Variants in METTL15 observed in about 807,000 individuals in gnomAD.
METTL15 encodes methyltransferase 15, mitochondrial 12S rRNA N4-cytidine.
In METTL15, 34 loss-of-function variants were observed where a neutral mutation model predicts 38.3. That is an observed-to-expected ratio of 0.89 (90% CI 0.68 to 1.18). The LOEUF is 1.18. METTL15 is among the 50% of genes most tolerant of loss of function. METTL15 has a pLI of 0.00. For synonymous variants in METTL15, 162 were observed against 170.9 expected, an observed-to-expected ratio of 0.95 and a Z score of 0.41; for missense variants, 438 against 498.4, an observed-to-expected ratio of 0.88 and a Z score of 1.15.
At chr11:28,308,196 C>G (rs1054460794) in intron 6 of METTL15, among the ~76,000 whole-genome samples, 1 of 151,960 alleles carries the variant, frequency 6.6e-6, no homozygotes, top group Non-Finnish European at 1.5e-5. Context: ...CTCTGATTAC[C>G]TTTAAGATTT....
intron 4 of METTL15, among the ~76,000 whole-genome samples, chr11:28,233,938 ATGC>A (rs1357708615): frequency 6.6e-6 from 1 of 150,738 alleles, no homozygotes; most frequent in Non-Finnish European, 1.5e-5. Context: ...ATATCTCCTA[ATGC>A]TATCCCTCCC....
At chr11:28,210,981 G>T (rs1335155843) in intron 3 of METTL15, 81 bp from the exon 4 acceptor site, 14 of 1,382,758 alleles carry the variant, frequency 1.0e-5, no homozygotes, top group Admixed American at 2.3e-5. Context: ...AAATCATTGT[G>T]TGCTTCTAGA....
downstream of METTL15, among the ~76,000 whole-genome samples, chr11:28,334,621 A>G (rs901557052): frequency 1.3e-5 from 2 of 152,238 alleles, no homozygotes; most frequent in East Asian, 1.9e-4. Context: ...TCAACCCTAT[A>G]TTCTAAAGAG....
At chr11:28,502,163 T>A (rs910040169) in intron 6 of METTL15, among the ~76,000 whole-genome samples, 1 of 151,644 alleles carries the variant, frequency 6.6e-6, no homozygotes, top group Non-Finnish European at 1.5e-5. Context: ...GACCCCCTTA[T>A]ATCCAGCTAT....
chr11:28,213,090 G>T (rs1359756373), intron 4 of METTL15, among the ~76,000 whole-genome samples: 1 of 152,164 alleles, frequency 6.6e-6, no homozygotes, highest in Non-Finnish European at 1.5e-5. Context: ...CCTGCGACAT[G>T]TATTCCAATC....
At chr11:28,244,755 C>A (rs1438220911) in intron 4 of METTL15, among the ~76,000 whole-genome samples, 1 of 152,150 alleles carries the variant, frequency 6.6e-6, no homozygotes, top group Non-Finnish European at 1.5e-5. Context: ...AGTTGAGAAG[C>A]CAAACAGGGA....
At chr11:28,397,687 C>T (rs1371077642) in intron 5 of METTL15, among the ~76,000 whole-genome samples, 1 of 152,008 alleles carries the variant, frequency 6.6e-6, no homozygotes, top group African/African-American at 2.4e-5. Context: ...GTGGCGATTC[C>T]TCAGGGATCT....
At chr11:28,234,842 G>C (rs1380067536) in intron 4 of METTL15, among the ~76,000 whole-genome samples, 10 of 146,922 alleles carry the variant, frequency 6.8e-5, no homozygotes, top group Non-Finnish European at 1.0e-4. Flanking sequence ...GGCTTTTGTT[G>C]CCATTGCTTT....
chr11:28,129,183 C>A (rs1216632928), intron 3 of METTL15, among the ~76,000 whole-genome samples: 1 of 152,116 alleles, frequency 6.6e-6, no homozygotes, highest in Non-Finnish European at 1.5e-5. Context: ...CTTTTAGATG[C>A]TATTCATTTA....
At chr11:28,431,162 G>A (rs1264584871) in intron 6 of METTL15, among the ~76,000 whole-genome samples, 1 of 90,240 alleles carries the variant, frequency 1.1e-5, no homozygotes, top group African/African-American at 3.3e-5. Flanking sequence ...AGGTGGGGGG[G>A]TCAGCCCCCT....
intron 4 of METTL15, among the ~76,000 whole-genome samples, chr11:28,213,420 C>T (rs1354376616): frequency 6.6e-6 from 1 of 152,006 alleles, no homozygotes; most frequent in Middle Eastern, 3.4e-3. Context: ...ACCATAGACA[C>T]AAGATAAGTT....
intron 5 of METTL15, among the ~76,000 whole-genome samples, chr11:28,384,470 G>A (rs1404320135): frequency 2.0e-5 from 3 of 151,848 alleles, no homozygotes; most frequent in Admixed American, 6.6e-5. Flanking sequence ...CATCATACCC[G>A]GCTAATTTTT....
At chr11:28,196,572 A>G (rs1851916804) in intron 3 of METTL15, among the ~76,000 whole-genome samples, 1 of 151,938 alleles carries the variant, frequency 6.6e-6, no homozygotes, top group Non-Finnish European at 1.5e-5. Context: ...TACTGAATTC[A>G]TTTATCAAAT....
intron 4 of METTL15, among the ~76,000 whole-genome samples, chr11:28,238,700 G>A (rs187856969): frequency 4.6e-5 from 7 of 152,266 alleles, no homozygotes; most frequent in South Asian, 2.1e-4. Flanking sequence ...CTCCTGCGTC[G>A]CTCACGCTGG....
At position 28,139,753 on chromosome 11, in the gene METTL15, GA is replaced by G. The variant is rs982600090; in HGVS notation, c.270+26161del. On this transcript the variant is annotated intron_variant, in intron 3 of 6. Coordinates refer to ENST00000407364, the MANE Select transcript of METTL15 (RefSeq NM_001113528.2). ...GGCTTAATAAGATGTTTTCCAAAAG[GA>G]AAAAAAAAAAACAAAACTCTTGCAT... is the stretch of plus-strand genomic sequence containing the variant. Among the ~76,000 whole-genome samples, 118 of 128,228 alleles carry G rather than the reference GA, an allele frequency of 9.2e-4. 1 individual carries two copies. The highest frequency in any genetic ancestry group is 8.0e-3 in the Middle Eastern group (2 of 250). 84.1% of individuals were successfully genotyped at this position (128,228 alleles called of 152,430 possible).
intron 3 of METTL15, among the ~76,000 whole-genome samples, chr11:28,126,824 T>C (rs1195909725): frequency 1.3e-5 from 2 of 152,130 alleles, no homozygotes; most frequent in East Asian, 3.9e-4. Context: ...TTCAAGTGAA[T>C]ATGAAATTTC....
intron 4 of METTL15, among the ~76,000 whole-genome samples, chr11:28,257,614 A>G (rs1590225657): frequency 1.3e-5 from 2 of 152,090 alleles, no homozygotes; most frequent in Non-Finnish European, 2.9e-5. Context: ...TGTATTATCA[A>G]ATAGCCTGTC....
At chr11:28,333,738 C>T (rs1849873431), downstream of METTL15, among the ~76,000 whole-genome samples, 1 of 151,628 alleles carries the variant, frequency 6.6e-6, no homozygotes, top group South Asian at 2.1e-4. Context: ...TTTTCTATTT[C>T]ATGTAGTATA....
intron 6 of METTL15, among the ~76,000 whole-genome samples, chr11:28,475,933 C>G (rs1027514155): frequency 1.3e-5 from 2 of 152,184 alleles, no homozygotes; most frequent in Non-Finnish European, 1.5e-5. Flanking sequence ...TCTCCTCCTG[C>G]TACCACCTAG....
Sources: gnomAD v4.1 joint callset for allele counts (sites outside exome capture counted in the v4.1 genomes callset) on GRCh38, gnomAD v4.1.1 for gene constraint, MANE v1.5 for transcripts, NCBI Gene and HGNC (gene_info 2026-07-23, HGNC 2026-07-21) for gene names.